MID1: variants seen among roughly 807,000 people sequenced by gnomAD.
MID1 encodes E3 ubiquitin-protein ligase Midline-1.
MID1 carries 7 observed loss-of-function variants against 40.4 expected under a neutral mutation model. The ratio of observed to expected loss-of-function variants is 0.17; its 90% CI spans 0.10 to 0.33. The LOEUF is 0.33. MID1 is among the 10% of genes least tolerant of loss of function. The probability of loss-of-function intolerance (pLI) is 1.00; values close to 1 mark genes in which losing one functional copy is unlikely to be tolerated. For synonymous variants in MID1, 229 were observed against 221.2 expected, an observed-to-expected ratio of 1.04 and a Z score of -0.31; for missense variants, 367 against 558.5, an observed-to-expected ratio of 0.66 and a Z score of 3.46.
At chrX:10,788,809 T>A (rs963861496) in intron 1 of MID1, among the ~76,000 whole-genome samples, 2 of 111,957 alleles carry the variant, frequency 1.8e-5, no homozygotes, top group Non-Finnish European at 3.8e-5. Flanking sequence ...AATCGTTTGC[T>A]AAGGATATCA....
chrX:10,705,223 A>G (rs2043222415), intron 1 of MID1, among the ~76,000 whole-genome samples: 1 of 112,801 alleles, frequency 8.9e-6, no homozygotes, highest in Non-Finnish European at 1.9e-5. Context: ...TATTGGATAA[A>G]CTTTAATAGG....
chrX:10,596,470 T>C (rs998085956), intron 1 of MID1, among the ~76,000 whole-genome samples: 1 of 112,207 alleles, frequency 8.9e-6, no homozygotes, highest in Non-Finnish European at 1.9e-5. Context: ...TTTTAAAACA[T>C]ACAACAGTTC....
intron 1 of MID1, among the ~76,000 whole-genome samples, chrX:10,715,572 C>T (rs758566574): frequency 1.8e-5 from 2 of 111,899 alleles, no homozygotes; most frequent in Admixed American, 9.4e-5. Flanking sequence ...TGGAGCCCAC[C>T]GCAGCTCAAG....
At chrX:10,829,077 G>A (rs1040800148) in intron 1 of MID1, among the ~76,000 whole-genome samples, 1 of 112,081 alleles carries the variant, frequency 8.9e-6, no homozygotes, top group Non-Finnish European at 1.9e-5. Flanking sequence ...ATATCAGTTC[G>A]AGTAAACTTG....
intron 1 of MID1, among the ~76,000 whole-genome samples, chrX:10,722,483 C>A (rs1324006377): frequency 8.9e-6 from 1 of 112,181 alleles, no homozygotes; most frequent in African/African-American, 3.2e-5. Context: ...AATCGTTTCT[C>A]CCCAACCAAA....
intron 2 of MID1, chrX:10,565,151 T>C: frequency 3.0e-6 from 1 of 329,946 alleles, no homozygotes; most frequent in Middle Eastern, 4.4e-4. Context: ...TGTGCTGCCA[T>C]GCACTGTTCT....
chrX:10,743,101 C>G (rs776627771), intron 1 of MID1, among the ~76,000 whole-genome samples: 4 of 112,894 alleles, frequency 3.5e-5, no homozygotes, highest in Non-Finnish European at 7.5e-5. Flanking sequence ...GTCATCTGTT[C>G]TAGAGAACAG....
At chrX:10,639,171 T>C (rs748951382) in intron 1 of MID1, among the ~76,000 whole-genome samples, 1 of 111,623 alleles carries the variant, frequency 9.0e-6, no homozygotes, top group African/African-American at 3.3e-5. Context: ...CTTTGACGAG[T>C]TGAGAGAAGA....
At chrX:10,534,523 C>T (rs917221818) in intron 2 of MID1, among the ~76,000 whole-genome samples, 2 of 111,818 alleles carry the variant, frequency 1.8e-5, no homozygotes, top group South Asian at 7.4e-4. Flanking sequence ...AGTATGATTT[C>T]CTTTTTTTCT....
intron 2 of MID1, among the ~76,000 whole-genome samples, chrX:10,535,101 G>T (rs1024533504): frequency 2.7e-5 from 3 of 112,162 alleles, no homozygotes; most frequent in Non-Finnish European, 3.8e-5. Flanking sequence ...GAAAGAAGAT[G>T]AGGAGTGTCT....
intron 1 of MID1, among the ~76,000 whole-genome samples, chrX:10,772,118 GATAA>G (rs952121323): frequency 1.0e-4 from 11 of 110,533 alleles, no homozygotes; most frequent in Admixed American, 3.9e-4. Context: ...TCAAGTAGTG[GATAA>G]ATAAAGTGTG....
At chrX:10,757,793 A>G (rs1334480255) in intron 1 of MID1, among the ~76,000 whole-genome samples, 1 of 111,516 alleles carries the variant, frequency 9.0e-6, no homozygotes, top group Non-Finnish European at 1.9e-5. Flanking sequence ...TATTCTGAAC[A>G]ACGTAGTTAT....
chrX:10,681,597 C>T (rs1399186500), intron 1 of MID1, among the ~76,000 whole-genome samples: 3 of 111,655 alleles, frequency 2.7e-5, no homozygotes, highest in Non-Finnish European at 3.8e-5. Flanking sequence ...TCACCTTTTA[C>T]AATCTCTCTT....
intron 1 of MID1, among the ~76,000 whole-genome samples, chrX:10,707,156 A>C (rs759972867): frequency 8.9e-6 from 1 of 112,138 alleles, no homozygotes; most frequent in East Asian, 2.8e-4. Flanking sequence ...TTGTTCATGC[A>C]ATAGTCCCAC....
intron 1 of MID1, among the ~76,000 whole-genome samples, chrX:10,785,626 C>T (rs1304528073): frequency 9.9e-5 from 11 of 110,573 alleles, no homozygotes; most frequent in East Asian, 5.7e-4. Context: ...GAGATATAGA[C>T]CAATGGAACA....
At position 10,449,307 on chromosome X, in the gene MID1, C is replaced by T. The variant is rs193042308; in HGVS notation, c.*61G>A. On this transcript the variant is annotated 3_prime_UTR_variant, in exon 10 of 10. Coordinates refer to ENST00000317552, the MANE Select transcript of MID1 (RefSeq NM_000381.4). ...CTCATGAAGCCTGTGCTTTCTCAGT[C>T]CCCTAAATAGTGGCCTGAACCTTAC... The T allele has an allele frequency of 1.5e-5, 15 of 978,920 alleles. No individual in the cohort carries two copies. In the East Asian group the frequency reaches 3.8e-4, roughly 25 times the overall value. 80.7% of individuals were successfully genotyped at this position (978,920 alleles called of 1,213,427 possible). A position where few individuals can be genotyped will look rare whatever the true frequency, so the allele number is the denominator to read the frequency against.
chrX:10,465,214 T>TATATACACACAC (rs1477864693), intron 7 of MID1, among the ~76,000 whole-genome samples: 6 of 39,898 alleles, frequency 1.5e-4, no homozygotes, highest in African/African-American at 5.7e-4. Flanking sequence ...TATATATATA[T>TATATACACACAC]ACACACACAC....
At chrX:10,688,129 G>A (rs2043111484) in intron 1 of MID1, among the ~76,000 whole-genome samples, 1 of 111,293 alleles carries the variant, frequency 9.0e-6, no homozygotes, top group African/African-American at 3.3e-5. Flanking sequence ...TACGTAGCTG[G>A]GATTACAAAG....
chrX:10,648,060 A>G (rs1936280028), intron 1 of MID1, among the ~76,000 whole-genome samples: 1 of 112,295 alleles, frequency 8.9e-6, no homozygotes, highest in Non-Finnish European at 1.9e-5. Context: ...CCACTGCCAT[A>G]AATCCAGTTT....
Sources: gnomAD v4.1 joint callset for allele counts (sites outside exome capture counted in the v4.1 genomes callset) on GRCh38, gnomAD v4.1.1 for gene constraint, MANE v1.5 for transcripts, NCBI Gene and HGNC (gene_info 2026-07-23, HGNC 2026-07-21) for gene names.